The following MALRD1 variants were observed in gnomAD, a reference collection of about 807,000 sequenced individuals.
MALRD1 encodes MAM and LDL-receptor class A domain-containing protein 1.
A neutral mutation model predicts 242.1 loss-of-function variants in MALRD1; 247 were observed. The ratio of observed to expected loss-of-function variants is 1.02; its 90% CI spans 0.92 to 1.13. The LOEUF (loss-of-function observed/expected upper bound fraction) is 1.13, where lower values mean the gene tolerates loss of function less well. Among genes scored for constraint, MALRD1 ranks in the 50% most tolerant of loss-of-function variants. The pLI is 0.00. For missense variants in MALRD1, 2,989 were observed against 2,533.1 expected, an observed-to-expected ratio of 1.18 and a Z score of -3.86; for synonymous variants, 995 against 866.6, an observed-to-expected ratio of 1.15 and a Z score of -2.60.
intron 18 of MALRD1, among the ~76,000 whole-genome samples, chr10:19,220,561 A>G (rs555922129): frequency 6.6e-6 from 1 of 152,276 alleles, no homozygotes; most frequent in East Asian, 1.9e-4. Flanking sequence ...ATCGCAGAAC[A>G]TTGATTTTTT....
rs35948766 is a variant in MALRD1 at position 19,108,387 on chromosome 10, CTTTTTTTTTTTTTTTT to C, written c.694+4335_694+4350del. Among the ~76,000 whole-genome samples the C allele has an allele frequency of 2.3e-3, 46 of 19,764 alleles. 4 individuals carry two copies. The highest frequency in any genetic ancestry group is 2.9e-3 in the Non-Finnish European group (36 of 12,506). The allele number at this position is 19,764 out of a possible 152,430, so 13.0% of individuals were successfully genotyped here. ...TTATTGAGCTCATGAATTGTTTTTT[CTTTTTTTTTTTTTTTT>C]TTTTTTTTTTTTTTTTTTTTTTAAG... is the stretch of plus-strand genomic sequence containing the variant. On this transcript the variant is annotated intron_variant, in intron 5 of 39. Coordinates refer to ENST00000454679, the MANE Select transcript of MALRD1 (RefSeq NM_001142308.3).
intron 33 of MALRD1, among the ~76,000 whole-genome samples, chr10:19,588,806 C>G (rs1051531353): frequency 6.6e-6 from 1 of 152,120 alleles, no homozygotes; most frequent in African/African-American, 2.4e-5. Flanking sequence ...CCATGCCTGT[C>G]TAATTTTTGT....
intron 38 of MALRD1, among the ~76,000 whole-genome samples, chr10:19,714,691 G>A (rs1172038547): frequency 1.3e-5 from 2 of 152,118 alleles, no homozygotes; most frequent in African/African-American, 4.8e-5. Context: ...GTTGAGTAGT[G>A]CTGCAGGGCT....
At chr10:19,062,551 G>A (rs1834853382) in intron 1 of MALRD1, among the ~76,000 whole-genome samples, 1 of 152,152 alleles carries the variant, frequency 6.6e-6, no homozygotes, top group African/African-American at 2.4e-5. Context: ...CAGATGAATG[G>A]ATAAACCAAA....
chr10:19,099,924 C>A (rs975991898), intron 4 of MALRD1, among the ~76,000 whole-genome samples: 2 of 151,912 alleles, frequency 1.3e-5, no homozygotes, highest in East Asian at 3.9e-4. Context: ...CCACACCTGG[C>A]TAATTTTTGT....
chr10:19,130,744 A>G (rs1833068156), intron 8 of MALRD1, among the ~76,000 whole-genome samples: 1 of 152,248 alleles, frequency 6.6e-6, no homozygotes, highest in Non-Finnish European at 1.5e-5. Flanking sequence ...TATGTATGTA[A>G]TTATGAATGT....
intron 18 of MALRD1, among the ~76,000 whole-genome samples, chr10:19,236,804 C>G (rs1395672034): frequency 9.2e-5 from 14 of 151,814 alleles, no homozygotes; most frequent in Admixed American, 8.5e-4. Context: ...AAGAATATAC[C>G]TAAGAGCATA....
chr10:19,351,992 A>G lies in MALRD1; in HGVS notation c.4150-14A>G. On this transcript the variant is annotated splice_polypyrimidine_tract_variant and intron_variant, in intron 25 of 39. Coordinates refer to ENST00000454679, the MANE Select transcript of MALRD1 (RefSeq NM_001142308.3). The stretch of plus-strand genomic sequence containing the variant: ...TAATCATATCGTATGTAATATTCCT[A>G]TTCTTGATTACAGATTATTTTTCAT... 7 of 1,526,102 alleles carry G rather than the reference A, an allele frequency of 4.6e-6. No individual in the cohort carries two copies. The highest frequency in any genetic ancestry group is 2.8e-5 in the African/African-American group (2 of 72,590). The allele number at this position is 1,526,102 out of a possible 1,614,324, so 94.5% of individuals were successfully genotyped here.
chr10:19,517,505 A>G (rs1304679513), intron 31 of MALRD1, among the ~76,000 whole-genome samples: 4 of 152,202 alleles, frequency 2.6e-5, no homozygotes, highest in African/African-American at 7.2e-5. Flanking sequence ...GCTGTAGCCA[A>G]TGTAACTCTA....
At chr10:19,468,588 G>A (rs1449145488) in intron 29 of MALRD1, among the ~76,000 whole-genome samples, 1 of 151,822 alleles carries the variant, frequency 6.6e-6, no homozygotes, top group Non-Finnish European at 1.5e-5. Context: ...AAATAAAGTT[G>A]AGTAGAATAG....
At chr10:19,417,615 C>T (rs868406519) in intron 28 of MALRD1, among the ~76,000 whole-genome samples, 1 of 152,128 alleles carries the variant, frequency 6.6e-6, no homozygotes, top group Non-Finnish European at 1.5e-5. Context: ...TACTAATTTA[C>T]ATAAGCAGAG....
chr10:19,591,497 G>GTTTTTTTTTTTTTTTTTTTTTTTTAT (rs35785107), intron 33 of MALRD1, among the ~76,000 whole-genome samples: 1 of 116,296 alleles, frequency 8.6e-6, no homozygotes, highest in Non-Finnish European at 1.8e-5. Flanking sequence ...TTTTATTTTA[G>GTTTTTTTTTTTTTTTTTTTTTTTTAT]TTTTTTTTTT....
intron 26 of MALRD1, among the ~76,000 whole-genome samples, chr10:19,365,659 TAAAAAAAAAAAAAAA>T (rs199989681): frequency 0.67 from 84,203 of 125,788 alleles, 25,536 homozygotes; most frequent in Middle Eastern, 0.71. Flanking sequence ...TTATAAATTC[TAAAAAAAAAAAAAAA>T]AAAAAAAAAA....
intron 1 of MALRD1, among the ~76,000 whole-genome samples, chr10:19,052,986 G>T (rs1336462610): frequency 2.0e-5 from 3 of 152,262 alleles, no homozygotes; most frequent in Admixed American, 2.0e-4. Flanking sequence ...GTCAGGCAAG[G>T]TTGGAAAGAA....
At chr10:19,635,399 A>G (rs936629754) in intron 36 of MALRD1, among the ~76,000 whole-genome samples, 1 of 152,020 alleles carries the variant, frequency 6.6e-6, no homozygotes, top group Non-Finnish European at 1.5e-5. Flanking sequence ...ATAAGAAACA[A>G]AAAGAGTTAA....
intron 36 of MALRD1, among the ~76,000 whole-genome samples, chr10:19,690,180 T>C (rs1034416806): frequency 8.5e-5 from 13 of 152,094 alleles, no homozygotes; most frequent in African/African-American, 2.4e-4. Flanking sequence ...ACTTATTAAA[T>C]TGAAGTTTTC....
chr10:19,487,934 T>C (rs890816212), intron 29 of MALRD1, among the ~76,000 whole-genome samples: 1 of 152,186 alleles, frequency 6.6e-6, no homozygotes, highest in African/African-American at 2.4e-5. Context: ...ACTCTGGATA[T>C]GCACTTTTAG....
chr10:19,187,487 G>T (rs1049008441), intron 14 of MALRD1, among the ~76,000 whole-genome samples: 1 of 151,982 alleles, frequency 6.6e-6, no homozygotes, highest in African/African-American at 2.4e-5. Flanking sequence ...AGGAACTAAG[G>T]GATTGGGACA....
At chr10:19,055,245 G>A (rs962432898) in intron 1 of MALRD1, among the ~76,000 whole-genome samples, 1 of 152,038 alleles carries the variant, frequency 6.6e-6, no homozygotes, top group African/African-American at 2.4e-5. Flanking sequence ...TTTAAATCAG[G>A]ATATTATTTT....
Sources: allele counts gnomAD v4.1 joint callset (sites outside exome capture counted in the v4.1 genomes callset), GRCh38; gene constraint gnomAD v4.1.1; transcripts MANE v1.5; gene names NCBI Gene and HGNC (gene_info 2026-07-23, HGNC 2026-07-21).